EDA: variants seen among roughly 807,000 people sequenced by gnomAD.
EDA encodes the protein ectodysplasin A.
Under a neutral mutation model 23.6 loss-of-function variants are expected in EDA, and 2 were observed. The ratio of observed to expected loss-of-function variants is 0.08; its 90% CI spans 0.03 to 0.27. EDA has a LOEUF of 0.27. Among genes scored for constraint, EDA ranks in the 10% least tolerant of loss-of-function variants. EDA has a pLI of 1.00. For missense variants in EDA, 229 were observed against 324.2 expected, an observed-to-expected ratio of 0.71 and a Z score of 2.26; for synonymous variants, 131 against 132.0, an observed-to-expected ratio of 0.99 and a Z score of 0.05.
At chrX:69,628,413 C>T (rs1247624280) in intron 1 of EDA, among the ~76,000 whole-genome samples, 1 of 111,341 alleles carries the variant, frequency 9.0e-6, no homozygotes, top group Non-Finnish European at 1.9e-5. Flanking sequence ...TCGACTCAAC[C>T]CCCACTCCAT....
intron 1 of EDA, among the ~76,000 whole-genome samples, chrX:69,812,997 C>A (rs1360435505): frequency 9.0e-6 from 1 of 111,451 alleles, no homozygotes; most frequent in African/African-American, 3.3e-5. Flanking sequence ...TGGTTGAGTG[C>A]AGCTGGGGCA....
intron 2 of EDA, among the ~76,000 whole-genome samples, chrX:69,960,732 T>G (rs1209303162): frequency 9.1e-6 from 1 of 110,450 alleles, no homozygotes; most frequent in Non-Finnish European, 1.9e-5. Flanking sequence ...AATTTAACTA[T>G]CTAAGCTCAG....
intron 1 of EDA, among the ~76,000 whole-genome samples, chrX:69,693,737 T>C (rs1934778184): frequency 8.9e-6 from 1 of 112,176 alleles, no homozygotes. Context: ...TTATAATTTG[T>C]CCAGTAAAAT....
At chrX:70,033,289 C>T in intron 6 of EDA, 109 bp from the exon 7 acceptor site, 2 of 1,072,709 alleles carry the variant, frequency 1.9e-6, no homozygotes, top group Non-Finnish European at 2.6e-6. Flanking sequence ...TCTAGGCTAC[C>T]CTGGTTGCAC....
intron 1 of EDA, among the ~76,000 whole-genome samples, chrX:69,709,844 C>CTT (rs762963725): frequency 9.3e-6 from 1 of 107,363 alleles, no homozygotes; most frequent in African/African-American, 3.4e-5. Flanking sequence ...ATTGTAGATT[C>CTT]TTTTTTTTTT....
chrX:70,003,234 G>A (rs1375893202), intron 2 of EDA, among the ~76,000 whole-genome samples: 1 of 111,029 alleles, frequency 9.0e-6, no homozygotes, highest in Non-Finnish European at 1.9e-5. Context: ...CAACTACTCC[G>A]GTTTTCTTCT....
intron 1 of EDA, among the ~76,000 whole-genome samples, chrX:69,620,066 G>C (rs1932120822): frequency 9.0e-6 from 1 of 111,533 alleles, no homozygotes; most frequent in Non-Finnish European, 1.9e-5. Flanking sequence ...GATAGAAAGA[G>C]GTTGAAGGAG....
chrX:69,825,809 C>A (rs924980260), intron 1 of EDA, among the ~76,000 whole-genome samples: 13 of 111,455 alleles, frequency 1.2e-4, no homozygotes, highest in African/African-American at 3.9e-4. Context: ...AATTCTGAAT[C>A]TTTCCTGCTT....
intron 1 of EDA, among the ~76,000 whole-genome samples, chrX:69,653,779 C>A (rs1188886599): frequency 8.9e-5 from 10 of 111,743 alleles, no homozygotes; most frequent in African/African-American, 3.3e-4. Flanking sequence ...CCCTTCCTTA[C>A]ACCTTATACA....
At chrX:69,865,301 C>T (rs2017467474) in intron 1 of EDA, among the ~76,000 whole-genome samples, 1 of 110,105 alleles carries the variant, frequency 9.1e-6, no homozygotes, top group South Asian at 3.9e-4. Flanking sequence ...TTAATAAACT[C>T]CCATATATAT....
chrX:69,784,607 T>C (rs1283671551), intron 1 of EDA, among the ~76,000 whole-genome samples: 1 of 107,613 alleles, frequency 9.3e-6, no homozygotes, highest in African/African-American at 3.4e-5. Flanking sequence ...GTTGTAGATA[T>C]GTGGCGTTAT....
chrX:69,937,272 T>C (rs2018687305), intron 1 of EDA: 15 of 723,924 alleles, frequency 2.1e-5, no homozygotes, highest in Non-Finnish European at 3.1e-5. Context: ...ATCATCAGTA[T>C]GATCTTCAAA....
intron 1 of EDA, among the ~76,000 whole-genome samples, chrX:69,873,080 A>C (rs2017591117): frequency 1.8e-5 from 2 of 112,204 alleles, no homozygotes; most frequent in African/African-American, 6.5e-5. Flanking sequence ...ATTGGAAAGC[A>C]ACTCCAAAAG....
intron 1 of EDA, among the ~76,000 whole-genome samples, chrX:69,936,274 AG>A (rs1428998406): frequency 9.0e-6 from 1 of 111,415 alleles, no homozygotes; most frequent in Non-Finnish European, 1.9e-5. Flanking sequence ...AAGCAGATCA[AG>A]GGAAGTGTGC....
chrX:70,014,303 C>G (rs1456512666), intron 2 of EDA, among the ~76,000 whole-genome samples: 1 of 113,074 alleles, frequency 8.8e-6, no homozygotes, highest in African/African-American at 3.2e-5. Flanking sequence ...TGGATCACAG[C>G]TCAAATTTCA....
At chrX:69,626,430 TATA>T (rs1171653664) in intron 1 of EDA, among the ~76,000 whole-genome samples, 1 of 112,045 alleles carries the variant, frequency 8.9e-6, no homozygotes. Context: ...TATAATGTGA[TATA>T]ATATTCTATA....
rs774521438 is a variant in EDA, at chrX:69,669,006, T to A, written c.396+52302T>A. 2.7e-5 allele frequency among the ~76,000 whole-genome samples: 3 copies of A among 112,718 alleles called. No individual in the cohort carries two copies. In the Admixed American group the frequency reaches 2.8e-4, roughly 11 times the overall value. ...TGTTTTCTTGATGAATTGACTTCTT[T>A]ATCATTAAACAATGACCTTCTGTGT... On this transcript the variant is annotated intron_variant, in intron 1 of 7. Transcript: ENST00000374552.
intron 1 of EDA, among the ~76,000 whole-genome samples, chrX:69,681,050 G>A (rs1187922219): frequency 9.1e-6 from 1 of 109,954 alleles, no homozygotes; most frequent in Non-Finnish European, 1.9e-5. Flanking sequence ...TTGCTTGTGT[G>A]TAAAGTATTT....
At chrX:69,710,082 C>T (rs1410196990) in intron 1 of EDA, among the ~76,000 whole-genome samples, 1 of 111,443 alleles carries the variant, frequency 9.0e-6, no homozygotes, top group Non-Finnish European at 1.9e-5. Flanking sequence ...ATGCCTATGT[C>T]CTGAATGGTA....
Sources: gnomAD v4.1 joint callset for allele counts (sites outside exome capture counted in the v4.1 genomes callset) on GRCh38, gnomAD v4.1.1 for gene constraint, MANE v1.5 for transcripts, NCBI Gene and HGNC (gene_info 2026-07-23, HGNC 2026-07-21) for gene names.